HSPG2: variants seen among roughly 807,000 people sequenced by gnomAD.
HSPG2 encodes the protein heparan sulfate proteoglycan 2.
HSPG2 carries 278 observed loss-of-function variants against 526.6 expected under a neutral mutation model. The ratio of observed to expected loss-of-function variants is 0.53; its 90% confidence interval spans 0.48 to 0.58. HSPG2 has a LOEUF of 0.58. Among genes scored for constraint, HSPG2 ranks in the 20% least tolerant of loss-of-function variants. HSPG2 has a pLI of 0.00. For missense variants in HSPG2, 5,354 were observed against 6,099.5 expected (o/e 0.88, Z 4.07); for synonymous variants, 2,465 against 2,555.4 (o/e 0.96, Z 1.07).
intron 14 of HSPG2, 98 bp from the exon 15 acceptor site, chr1:21,880,933 G>A: frequency 8.2e-7 from 1 of 1,221,864 alleles, no homozygotes; most frequent in Non-Finnish European, 1.2e-6. Context: ...CCCTCACTCT[G>A]CCTACCTGAG....
At position 21,876,231 on chromosome 1, in the gene HSPG2, T is replaced by G. The variant is rs774061580; in HGVS notation, c.3001A>C (p.Lys1001Gln). 2 of 1,605,896 alleles carry G rather than the reference T, an allele frequency of 1.2e-6. No individual in the cohort carries two copies. The highest frequency in any genetic ancestry group is 2.2e-5 in the South Asian group (2 of 89,708). ...TTGCCTTTCCACCCACTACCCACCT[T>G]GTCCCCCAGGAAGCGTGAAGGGAGG... ...WSLPSRFLGDKVTSYGGELRF... is the reference protein window; with the variant it reads ...WSLPSRFLGDQVTSYGGELRF... Residue 1001 changes from lysine (K) to glutamine (Q), a missense_variant and splice_region_variant, in exon 23 of 97, where the codon AAG becomes CAG. Physicochemically the swap from Lys to Gln is moderately conservative, Grantham distance 53. Coordinates refer to ENST00000374695, the MANE Select transcript of HSPG2 (RefSeq NM_005529.7).
chr1:21,852,656 C>G, intron 52 of HSPG2, 44 bp downstream of exon 52: 2 of 1,611,402 alleles, frequency 1.2e-6, no homozygotes, highest in Non-Finnish European at 1.7e-6. Flanking sequence ...CCCCGGAGGC[C>G]TCTCTGCCTC....
Position 21,848,526 on chromosome 1 carries a change from T to C in HSPG2, c.7737+117A>G. Reference sequence around the variant, plus strand: ...TGGTCTAGGACCCATCCAGCAAGGATACTCAATGTTTGTTGAATGACTGAA... The same window carrying C: ...TGGTCTAGGACCCATCCAGCAAGGACACTCAATGTTTGTTGAATGACTGAA... On this transcript the variant is annotated intron_variant, in intron 59 of 96. Coordinates refer to ENST00000374695, the MANE Select transcript of HSPG2 (RefSeq NM_005529.7). This position sits in a 1 kb window ranked among gnomAD's most constrained non-coding sequence, Gnocchi z 4.9. The C allele has an allele frequency of 8.3e-7, 1 of 1,203,662 alleles. No individual in the cohort carries two copies. The highest frequency in any genetic ancestry group is 1.2e-6 in the Non-Finnish European group (1 of 813,974). The allele number at this position is 1,203,662 out of a possible 1,614,324, so 74.6% of individuals were successfully genotyped here.
intron 1 of HSPG2, among the ~76,000 whole-genome samples, chr1:21,915,197 G>C (rs934781257): frequency 4.1e-4 from 8 of 19,444 alleles, no homozygotes; most frequent in Non-Finnish European, 3.0e-3. Flanking sequence ...GAGCGGGCAG[G>C]GTGCCCCCGT....
chr1:21,829,490 G>T lies in HSPG2; in HGVS notation c.11885C>A (p.Pro3962His). The T allele has an allele frequency of 1.2e-6, 2 of 1,613,416 alleles. No individual in the cohort carries two copies. The highest frequency in any genetic ancestry group is 1.7e-6 in the Non-Finnish European group (2 of 1,179,878). Residue 3962 changes from proline (P) to histidine (H), a missense_variant, in exon 87 of 97, where the codon CCT (proline) becomes CAT (histidine). Physicochemically the swap from Pro to His is moderately conservative, Grantham distance 77. Coordinates refer to ENST00000374695, the MANE Select transcript of HSPG2 (RefSeq NM_005529.7). The part of the protein sequence containing the change: ...RLDVEFKPLA[P>H]DGVLLFSGGK... Reference sequence around the variant, plus strand: ...CCCGCTGAACAGCAGGACCCCGTCAGGGGCGAGTGGCTTGAACTCCACGTC... The same window carrying T: ...CCCGCTGAACAGCAGGACCCCGTCATGGGCGAGTGGCTTGAACTCCACGTC...
chr1:21,890,687 G>A lies in HSPG2; in HGVS notation c.252C>T (p.Phe84=). The A allele has an allele frequency of 6.2e-7, 1 of 1,612,070 alleles. No individual in the cohort carries two copies. The highest frequency in any genetic ancestry group is 8.5e-7 in the Non-Finnish European group (1 of 1,178,380). The stretch of plus-strand genomic sequence containing the variant: ...AGCGAGTGAAATTCACCAGGGCTCG[G>A]AAATAAACTGGAAAATCGAAGGAGG... ...LGSGDFQMVY[F]RALVNFTRSI... The change falls in exon 4 of 97, where the codon TTC becomes TTT. Residue 84 remains phenylalanine (F), a synonymous_variant. Transcript: ENST00000374695. The surrounding 1 kb of genome is among the most constrained non-coding windows in gnomAD (Gnocchi z 4.1).
chr1:21,916,084 A>AT lies in HSPG2; in HGVS notation c.64-19775_64-19774insA, dbSNP rs1643881863. Reference sequence around the variant, plus strand: ...AAAGAAGAAGAAGAAAAAAAAAAAAAGGCCTGGCACGGTGACTCACGCCTG... The same window carrying AT: ...AAAGAAGAAGAAGAAAAAAAAAAAAATGGCCTGGCACGGTGACTCACGCCTG... On this transcript the variant is annotated intron_variant, in intron 1 of 96. Transcript: ENST00000374695. 1.5e-5 allele frequency among the ~76,000 whole-genome samples: 2 copies of AT among 136,886 alleles called. 1 individual carries two copies. Among genetic ancestry groups the AT allele is most frequent in the South Asian group, 4.8e-4 (2 of 4,136 alleles). 89.8% of individuals were successfully genotyped at this position (136,886 alleles called of 152,430 possible).
chr1:21,824,627 G>A lies in HSPG2; in HGVS notation c.12666-12C>T, dbSNP rs925808398. 1.2e-6 allele frequency: 2 copies of A among 1,614,070 alleles called. No homozygotes were observed. The highest frequency in any genetic ancestry group is 1.7e-5 in the Admixed American group (1 of 60,020). On this transcript the variant is annotated splice_polypyrimidine_tract_variant and intron_variant, in intron 92 of 96. Transcript: ENST00000374695. This position sits in a 1 kb window ranked among gnomAD's most constrained non-coding sequence, Gnocchi z 5.9. Reference sequence around the variant, plus strand: ...GCACCTCGGGCAGGCTGCGGAGGAAGAGCGGGTGAGGGGACAGAAGTCCCA... The same window carrying A: ...GCACCTCGGGCAGGCTGCGGAGGAAAAGCGGGTGAGGGGACAGAAGTCCCA...
intron 33 of HSPG2, among the ~76,000 whole-genome samples, chr1:21,871,471 A>G (rs923245743): frequency 2.6e-5 from 4 of 151,976 alleles, no homozygotes; most frequent in African/African-American, 7.2e-5. Context: ...CACATTGCCC[A>G]GGCTGGTCTC....
intron 3 of HSPG2, among the ~76,000 whole-genome samples, chr1:21,892,132 C>T (rs1408000794): frequency 6.6e-6 from 1 of 152,250 alleles, no homozygotes; most frequent in African/African-American, 2.4e-5. Context: ...CGCAGGTGCA[C>T]AGGACATTCT....
rs1167534328 is a variant in HSPG2 at position 21,847,039 on chromosome 1, G to C, written c.8164+315C>G. Among the ~76,000 whole-genome samples, 12 of 152,040 alleles carry C rather than the reference G, an allele frequency of 7.9e-5. No individual in the cohort carries two copies. Among genetic ancestry groups the C allele is most frequent in the Admixed American group, 7.9e-4 (12 of 15,264 alleles). The stretch of plus-strand genomic sequence containing the variant: ...GATAATAATAGTTAACACTTATAAA[G>C]CACTTCTGGCATGCCAGGCACGCTC... On this transcript the variant is annotated intron_variant, in intron 62 of 96. Coordinates refer to ENST00000374695, the MANE Select transcript of HSPG2 (RefSeq NM_005529.7). This position sits in a 1 kb window ranked among gnomAD's most constrained non-coding sequence, Gnocchi z 4.1.
rs557056567 is a variant in HSPG2 at position 21,837,131 on chromosome 1, AG to A, written c.10151-126del. 248 of 879,078 alleles carry A rather than the reference AG, an allele frequency of 2.8e-4. 3 individuals are homozygous for A. In the East Asian group the frequency reaches 6.5e-3, roughly 23 times the overall value. The allele number at this position is 879,078 out of a possible 1,614,324, so 54.5% of individuals were successfully genotyped here. ...TGTTCTCCTGATAGCCTCTCTGACC[AG>A]GGAAAAAAGACCGTTCAGTGGCAGA... is the stretch of plus-strand genomic sequence containing the variant. On this transcript the variant is annotated intron_variant, in intron 74 of 96. Coordinates refer to ENST00000374695, the MANE Select transcript of HSPG2 (RefSeq NM_005529.7).
rs1292179913 is a variant in HSPG2, at chr1:21,875,828, C to T, written c.3183+35G>A. 4 of 1,611,620 alleles carry T rather than the reference C, an allele frequency of 2.5e-6. No homozygotes were observed. In the Admixed American group the frequency reaches 6.7e-5, roughly 27 times the overall value. Reference sequence around the variant, plus strand: ...CGGAGAGGCAGGAGCAAGGGCCTGCCCGCACCCCTACCCCCAGGGGACAGT... The same window carrying T: ...CGGAGAGGCAGGAGCAAGGGCCTGCTCGCACCCCTACCCCCAGGGGACAGT... On this transcript the variant is annotated intron_variant, in intron 24 of 96. Transcript: ENST00000374695.
chr1:21,847,935 C>T lies in HSPG2; in HGVS notation c.7873+23G>A, dbSNP rs1410657156. 3 of 1,613,630 alleles carry T rather than the reference C, an allele frequency of 1.9e-6. No individual in the cohort carries two copies. Among genetic ancestry groups the T allele is most frequent in the African/African-American group, 1.3e-5 (1 of 74,906 alleles). ...CCACCCTCTGCGCCACTTGTCTGTA[C>T]CCCCTGCCCTCTCTGCTCTCACCGT... is the stretch of plus-strand genomic sequence containing the variant. On this transcript the variant is annotated intron_variant, in intron 60 of 96. Transcript: ENST00000374695. The surrounding 1 kb of genome is among the most constrained non-coding windows in gnomAD (Gnocchi z 4.1).
In HSPG2 at chr1:21,854,971, G is replaced by T; in HGVS notation, c.6010C>A (p.Arg2004Ser). ...GSLPPQARSE[R>S]TDIATLLIPA... ...ATGAGCAGTGTCGCGATGTCTGTGC[G>T]CTCTGACCGGGCCTGCCGTGGGTGA... Residue 2004 changes from arginine (R) to serine (S), a missense_variant, in exon 48 of 97, where the codon CGC becomes AGC. Arg to Ser is a moderately radical substitution (Grantham distance 110, BLOSUM62 -1). Coordinates refer to ENST00000374695, the MANE Select transcript of HSPG2 (RefSeq NM_005529.7). The T allele has an allele frequency of 6.2e-7, 1 of 1,613,046 alleles. No homozygotes were observed. The highest frequency in any genetic ancestry group is 8.5e-7 in the Non-Finnish European group (1 of 1,180,020).
At chr1:21,921,070 T>C (rs1265382745) in intron 1 of HSPG2, among the ~76,000 whole-genome samples, 2 of 152,224 alleles carry the variant, frequency 1.3e-5, no homozygotes, top group African/African-American at 2.4e-5. Context: ...ATTGCTGCCA[T>C]TCCCCAGGTA....
chr1:21,860,102 G>T, intron 40 of HSPG2, 75 bp downstream of exon 40: 1 of 1,603,758 alleles, frequency 6.2e-7, no homozygotes, highest in Non-Finnish European at 8.5e-7. Flanking sequence ...CCTGTCCCCA[G>T]ACCCAGTATC....
intron 1 of HSPG2, among the ~76,000 whole-genome samples, chr1:21,932,892 C>T (rs929491397): frequency 5.3e-5 from 8 of 151,882 alleles, no homozygotes; most frequent in Admixed American, 5.2e-4. Flanking sequence ...CAACAAGATC[C>T]CATCTCTATT....
Position 21,865,817 on chromosome 1 carries a change from G to A in HSPG2, c.4222-8C>T. On this transcript the variant is annotated splice_region_variant and splice_polypyrimidine_tract_variant and intron_variant, in intron 33 of 96. Transcript: ENST00000374695. The surrounding 1 kb of genome is among the most constrained non-coding windows in gnomAD (Gnocchi z 5.4). ...CCCACCGTAGGCCGCCACCTGCAAA[G>A]AGGCAAGCCCAGAGGTCACAGGCTG... 6.2e-7 allele frequency: 1 copy of A among 1,611,060 alleles called. No homozygotes were observed. Among genetic ancestry groups the A allele is most frequent in the Non-Finnish European group, 8.5e-7 (1 of 1,177,690 alleles).
Sources: allele counts gnomAD v4.1 joint callset (sites outside exome capture counted in the v4.1 genomes callset), GRCh38; gene constraint gnomAD v4.1.1; non-coding constraint Gnocchi (gnomAD v3.1); transcripts MANE v1.5; gene names NCBI Gene and HGNC (gene_info 2026-07-23, HGNC 2026-07-21).